Variants in RYR2 observed in about 807,000 individuals in gnomAD.
RYR2 encodes the protein cardiac muscle ryanodine receptor-calcium release channel.
In RYR2, 227 loss-of-function variants were observed where a neutral mutation model predicts 601.1. That is an observed-to-expected ratio of 0.38 (90% CI 0.34 to 0.42). RYR2 has a LOEUF of 0.42. Ranked by LOEUF, RYR2 falls within the 10% of genes least tolerant of loss-of-function variation. The pLI is 1.00. For synonymous variants in RYR2, 2,223 were observed against 2,175.1 expected, an observed-to-expected ratio of 1.02 and a Z score of -0.61; for missense variants, 4,646 against 6,156.5, an observed-to-expected ratio of 0.75 and a Z score of 8.21.
chr1:237,488,590 C>T (rs1481299052), intron 17 of RYR2, among the ~76,000 whole-genome samples: 1 of 152,178 alleles, frequency 6.6e-6, no homozygotes, highest in African/African-American at 2.4e-5. Flanking sequence ...TGGCCTGAAG[C>T]AACTGAAGAT....
intron 1 of RYR2, among the ~76,000 whole-genome samples, chr1:237,158,539 C>G (rs551385069): frequency 3.9e-5 from 6 of 152,216 alleles, no homozygotes; most frequent in Admixed American, 3.9e-4. Flanking sequence ...ACAATTTTCC[C>G]TTATTTTCCT....
rs1489105063 is a variant in RYR2, at chr1:237,377,455, T to C, written c.576+20T>C. Reference sequence around the variant, plus strand: ...TACTTGGTAAGTGTGGAAAGTAGGATCATGTATCTGCTGATATGCTAAATG... The same window carrying C: ...TACTTGGTAAGTGTGGAAAGTAGGACCATGTATCTGCTGATATGCTAAATG... On this transcript the variant is annotated intron_variant, in intron 8 of 104. Coordinates refer to ENST00000366574, the MANE Select transcript of RYR2 (RefSeq NM_001035.3). 1 of 1,529,806 alleles carries C rather than the reference T, an allele frequency of 6.5e-7. No individual in the cohort carries two copies. Among genetic ancestry groups the C allele is most frequent in the South Asian group, 1.1e-5 (1 of 88,760 alleles). 94.8% of individuals were successfully genotyped at this position (1,529,806 alleles called of 1,614,324 possible).
At chr1:237,488,997 G>A (rs746004574) in intron 17 of RYR2, among the ~76,000 whole-genome samples, 1 of 152,140 alleles carries the variant, frequency 6.6e-6, no homozygotes, top group South Asian at 2.1e-4. Context: ...TACAGGCCGC[G>A]TGGACCATGA....
intron 18 of RYR2, among the ~76,000 whole-genome samples, chr1:237,492,381 C>T (rs1321441990): frequency 6.6e-6 from 1 of 152,172 alleles, no homozygotes; most frequent in Non-Finnish European, 1.5e-5. Flanking sequence ...TTATTCATAG[C>T]ATCAGTGGGA....
At chr1:237,583,001 C>T (rs1674104479) in intron 29 of RYR2, among the ~76,000 whole-genome samples, 1 of 151,424 alleles carries the variant, frequency 6.6e-6, no homozygotes, top group African/African-American at 2.4e-5. Flanking sequence ...GAGAAATCTC[C>T]AAACTGCTTT....
At chr1:237,324,153 G>A (rs1417666842) in intron 2 of RYR2, among the ~76,000 whole-genome samples, 3 of 152,150 alleles carry the variant, frequency 2.0e-5, no homozygotes, top group Non-Finnish European at 4.4e-5. Context: ...GATCTTGCCT[G>A]TTACTTCCTT....
At chr1:237,382,690 A>G (rs984989724) in intron 8 of RYR2, among the ~76,000 whole-genome samples, 31 of 152,142 alleles carry the variant, frequency 2.0e-4, no homozygotes, top group African/African-American at 7.2e-4. Flanking sequence ...AATAAAAAAT[A>G]TAGATAATTA....
chr1:237,099,812 A>T (rs2148508562), intron 1 of RYR2, among the ~76,000 whole-genome samples: 1 of 150,422 alleles, frequency 6.6e-6, no homozygotes. Context: ...TACTCATTTA[A>T]TCTTTCCCCA....
Position 237,613,934 on chromosome 1 carries a change from A to G in RYR2, c.4911-105A>G, listed in dbSNP as rs372734318. On this transcript the variant is annotated intron_variant, in intron 36 of 104. Transcript: ENST00000366574. The stretch of plus-strand genomic sequence containing the variant: ...TTCAACCTGCAGTGTCTATTCCCAT[A>G]ACTTTTTTCCTTCAAATTTACAGTG... 184 of 1,059,620 alleles carry G rather than the reference A, an allele frequency of 1.7e-4. 3 individuals carry two copies. The South Asian group carries it at 2.9e-3, about 16-fold the overall frequency. The allele number at this position is 1,059,620 out of a possible 1,614,324, so 65.6% of individuals were successfully genotyped here.
chr1:237,688,540 T>G (rs1459290058), intron 63 of RYR2, among the ~76,000 whole-genome samples: 2 of 152,172 alleles, frequency 1.3e-5, no homozygotes, highest in Non-Finnish European at 2.9e-5. Context: ...TATCCAAGAT[T>G]TGGTGCTCTT....
At chr1:237,298,123 A>G (rs2149444288) in intron 2 of RYR2, among the ~76,000 whole-genome samples, 2 of 152,226 alleles carry the variant, frequency 1.3e-5, no homozygotes, top group Middle Eastern at 6.8e-3. Context: ...CTTCAGAAAC[A>G]AGTTACATCA....
At chr1:237,264,110 C>CAA (rs1240920600) in intron 1 of RYR2, among the ~76,000 whole-genome samples, 1 of 151,962 alleles carries the variant, frequency 6.6e-6, no homozygotes, top group East Asian at 1.9e-4. Flanking sequence ...CACACACACA[C>CAA]ACACACAGGT....
intron 38 of RYR2, among the ~76,000 whole-genome samples, chr1:237,621,022 A>T (rs2148632373): frequency 6.6e-6 from 1 of 152,270 alleles, no homozygotes; most frequent in African/African-American, 2.4e-5. Context: ...CTGGGCCATA[A>T]AATAACCTCA....
chr1:237,411,408 C>G (rs1205772144), intron 10 of RYR2, among the ~76,000 whole-genome samples: 5 of 151,956 alleles, frequency 3.3e-5, no homozygotes, highest in Non-Finnish European at 7.4e-5. Context: ...TTGTCCCGAG[C>G]GATTTTATAA....
At chr1:237,571,285 C>CTCAACCAGTAT (rs1202047380) in intron 29 of RYR2, among the ~76,000 whole-genome samples, 1 of 150,546 alleles carries the variant, frequency 6.6e-6, no homozygotes, top group Non-Finnish European at 1.5e-5. Flanking sequence ...ACATACCTAC[C>CTCAACCAGTAT]TCAACCAGTA....
At chr1:237,067,979 C>G (rs954163449) in intron 1 of RYR2, among the ~76,000 whole-genome samples, 1 of 151,490 alleles carries the variant, frequency 6.6e-6, no homozygotes, top group Admixed American at 6.6e-5. Flanking sequence ...ATGCCCTACA[C>G]TTAAATCACT....
chr1:237,350,602 A>T (rs10802605), intron 3 of RYR2, among the ~76,000 whole-genome samples: 1,438 of 36,632 alleles, frequency 0.039, 116 homozygotes, highest in African/African-American at 0.14. Context: ...AAAAAAAAAA[A>T]ATATATATAT....
intron 92 of RYR2, 69 bp downstream of exon 92, chr1:237,788,204 T>C: frequency 3.0e-6 from 4 of 1,316,008 alleles, no homozygotes; most frequent in African/African-American, 1.5e-5. Context: ...GCTCAGTAAA[T>C]GTTTGCTGAC....
chr1:237,776,612 T>A (rs3766887), intron 87 of RYR2, among the ~76,000 whole-genome samples: 26,418 of 151,900 alleles, frequency 0.17, 2,392 homozygotes, highest in East Asian at 0.27. Context: ...CAATCTAGGC[T>A]TTTTTTACTC....
Sources: allele counts gnomAD v4.1 joint callset (sites outside exome capture counted in the v4.1 genomes callset), GRCh38; gene constraint gnomAD v4.1.1; transcripts MANE v1.5; gene names NCBI Gene and HGNC (gene_info 2026-07-23, HGNC 2026-07-21).